The following ADAM8 variants were observed in gnomAD, a reference collection of about 807,000 sequenced individuals.
The protein encoded by ADAM8 is ADAM metallopeptidase domain 8.
A neutral mutation model predicts 102.4 loss-of-function variants in ADAM8; 104 were observed. The ratio of observed to expected loss-of-function variants is 1.02; its 90% CI spans 0.87 to 1.20. ADAM8 has a LOEUF of 1.20. Among genes scored for constraint, ADAM8 ranks in the 50% most tolerant of loss-of-function variants. ADAM8 has a pLI of 0.00. For synonymous variants in ADAM8, 517 were observed against 485.2 expected, an observed-to-expected ratio of 1.07 and a Z score of -0.86; for missense variants, 1,132 against 1,159.0, an observed-to-expected ratio of 0.98 and a Z score of 0.34.
chr10:133,272,000 A>C (rs1589808906), intron 10 of ADAM8, 46 bp from the exon 11 acceptor site: 1 of 1,593,582 alleles, frequency 6.3e-7, no homozygotes, highest in Non-Finnish European at 8.6e-7. Flanking sequence ...CCAACTCCCC[A>C]CGCCTGCCAC....
At position 133,262,949 on chromosome 10, in the gene ADAM8, A is replaced by C; in HGVS notation, c.*207T>G. 4.3e-6 allele frequency: 3 copies of C among 693,060 alleles called. No individual in the cohort carries two copies. In the South Asian group the frequency reaches 5.0e-5, roughly 12 times the overall value. The allele number at this position is 693,060 out of a possible 1,614,324, so 42.9% of individuals were successfully genotyped here. Reference sequence around the variant, plus strand: ...GGTGCCTGCAGACAGCTGGGGCTACACGTGGCCAAGGCGGGGAGAAGGAAT... The same window carrying C: ...GGTGCCTGCAGACAGCTGGGGCTACCCGTGGCCAAGGCGGGGAGAAGGAAT... On this transcript the variant is annotated 3_prime_UTR_variant, in exon 23 of 23. Transcript: ENST00000445355.
At chr10:133,264,386 T>C (rs1194367623) in intron 21 of ADAM8, among the ~76,000 whole-genome samples, 1 of 152,156 alleles carries the variant, frequency 6.6e-6, no homozygotes, top group Non-Finnish European at 1.5e-5. Flanking sequence ...ATTGCCGGAA[T>C]GTGGGGTTTT....
chr10:133,274,325 G>A, intron 2 of ADAM8, 90 bp from the exon 3 acceptor site: 3 of 1,248,638 alleles, frequency 2.4e-6, no homozygotes, highest in East Asian at 2.6e-5. Flanking sequence ...AGCTGGGGGG[G>A]AAGGGGTGCC....
intron 20 of ADAM8, among the ~76,000 whole-genome samples, 157 bp from the exon 21 acceptor site, chr10:133,267,574 T>C (rs894677559): frequency 1.3e-5 from 2 of 152,118 alleles, no homozygotes; most frequent in Non-Finnish European, 2.9e-5. Flanking sequence ...CCCCGCCCCA[T>C]TCCTCCCCTC....
intron 21 of ADAM8, among the ~76,000 whole-genome samples, chr10:133,265,541 C>T (rs113957525): frequency 6.6e-6 from 1 of 152,052 alleles, no homozygotes; most frequent in Non-Finnish European, 1.5e-5. Flanking sequence ...TCTGTAATCC[C>T]AGCACTTTGG....
intron 21 of ADAM8, 91 bp from the exon 22 acceptor site, chr10:133,263,856 C>T (rs980582647): frequency 2.7e-5 from 30 of 1,132,012 alleles, no homozygotes; most frequent in Non-Finnish European, 3.2e-5. Flanking sequence ...GAACGAAGCT[C>T]CCCACAGACC....
In ADAM8 at chr10:133,271,966, T is replaced by A. The variant is rs1188160191; in HGVS notation, c.958-12A>T. 2 of 1,606,204 alleles carry A rather than the reference T, an allele frequency of 1.2e-6. No homozygotes were observed. Among genetic ancestry groups the A allele is most frequent in the Non-Finnish European group, 1.7e-6 (2 of 1,174,808 alleles). The stretch of plus-strand genomic sequence containing the variant: ...TTCTTGCTGTGGTCCTGCAGGAGGG[T>A]CTGTGCTCTCAGGAACCATGTGGCC... On this transcript the variant is annotated splice_polypyrimidine_tract_variant and intron_variant, in intron 10 of 22. Coordinates refer to ENST00000445355, the MANE Select transcript of ADAM8 (RefSeq NM_001109.5).
At position 133,273,354 on chromosome 10, in the gene ADAM8, T is replaced by A. The variant is rs190341309; in HGVS notation, c.473A>T (p.Glu158Val). The change falls in exon 6 of 23, where the codon GAG becomes GTG. Residue 158 changes from glutamate to valine, a missense_variant. Physicochemically the swap from Glu to Val is moderately radical, Grantham distance 121. Coordinates refer to ENST00000445355, the MANE Select transcript of ADAM8 (RefSeq NM_001109.5). ...GGTCCCGGCCGTCTGCAGCAGGTGCTCAGCCTGGTACACGGCGTGCCGTCC... is the reference window on the plus strand; with the variant it reads ...GGTCCCGGCCGTCTGCAGCAGGTGCACAGCCTGGTACACGGCGTGCCGTCC... Reference protein sequence around the residue: ...EGGRHAVYQAEHLLQTAGTCG... With the variant: ...EGGRHAVYQAVHLLQTAGTCG... The A allele has an allele frequency of 6.4e-7, 1 of 1,565,076 alleles. No homozygotes were observed. Among genetic ancestry groups the A allele is most frequent in the Non-Finnish European group, 8.7e-7 (1 of 1,155,754 alleles).
chr10:133,269,094 C>T (rs1846430309), intron 18 of ADAM8: 2 of 985,336 alleles, frequency 2.0e-6, no homozygotes, highest in South Asian at 4.7e-5. Context: ...CCTTTGAGGC[C>T]TGATGCTCTG....
At chr10:133,274,256 C>T in intron 2 of ADAM8, 21 bp from the exon 3 acceptor site, 1 of 1,520,122 alleles carries the variant, frequency 6.6e-7, no homozygotes, top group East Asian at 2.3e-5. Context: ...AGGGAAGGGT[C>T]CCAGGTGAGC....
chr10:133,272,748 C>CT, intron 8 of ADAM8, 50 bp downstream of exon 8: 2 of 1,564,428 alleles, frequency 1.3e-6, no homozygotes, highest in Non-Finnish European at 1.7e-6. Context: ...ACACCCCCCC[C>CT]ACCTCCCGCC....
rs1033007104 is a variant in ADAM8 at position 133,267,385 on chromosome 10, T to C, written c.2286A>G (p.Pro762=). The change falls in exon 21 of 23, where the codon CCA becomes CCG. Residue 762 remains proline (P), a synonymous_variant. Coordinates refer to ENST00000445355, the MANE Select transcript of ADAM8 (RefSeq NM_001109.5). The stretch of plus-strand genomic sequence containing the variant: ...GTGCCTGCCGGGTGTAGACAGGAAC[T>C]GGGAAGGGTGGGCTGGACACAGTGA... ...PPVTVSSPPF[P]VPVYTRQAPK... is the part of the protein sequence containing the mutation. 1.2e-6 allele frequency: 2 copies of C among 1,610,448 alleles called. No homozygotes were observed. The highest frequency in any genetic ancestry group is 1.7e-5 in the Admixed American group (1 of 59,566).
chr10:133,264,632 A>G (rs1275349180), intron 21 of ADAM8, among the ~76,000 whole-genome samples: 1 of 152,168 alleles, frequency 6.6e-6, no homozygotes, highest in Non-Finnish European at 1.5e-5. Flanking sequence ...CCTCCTGCAC[A>G]GTTCTGCTGC....
At position 133,276,658 on chromosome 10, in the gene ADAM8, C is replaced by T. The variant is rs1846765725; in HGVS notation, c.46+114G>A. The T allele has an allele frequency of 7.1e-6, 10 of 1,410,612 alleles. No individual in the cohort carries two copies. The South Asian group carries it at 8.6e-5, about 12-fold the overall frequency. 87.4% of individuals were successfully genotyped at this position (1,410,612 alleles called of 1,614,324 possible). A position where few individuals can be genotyped will look rare whatever the true frequency, so the allele number is the denominator to read the frequency against. On this transcript the variant is annotated intron_variant, in intron 1 of 22. Transcript: ENST00000445355. ...CCGCTCCCAGGGACCAGCCCGAAGC[C>T]GGGCCAGGGTGCGGGGTGCGAGCAG...
In ADAM8 at chr10:133,268,066, C is replaced by A. The variant is rs778948745; in HGVS notation, c.2116G>T (p.Ala706Ser). ...CCCTTGGCCGGCACGCGGCTGGCAG[C>A]CTGGTGGAACAGGGGGTTGGAGCGC... is the stretch of plus-strand genomic sequence containing the variant. Reference protein sequence around the residue: ...MGRSNPLFHQAASRVPAKGGA... With the variant: ...MGRSNPLFHQSASRVPAKGGA... The change falls in exon 20 of 23, where the codon GCT (alanine) becomes TCT (serine). Residue 706 changes from alanine to serine, a missense_variant. Transcript: ENST00000445355. 18 of 1,271,502 alleles carry A rather than the reference C, an allele frequency of 1.4e-5. No individual in the cohort carries two copies. The highest frequency in any genetic ancestry group is 1.7e-5 in the Non-Finnish European group (17 of 1,001,590). The allele number at this position is 1,271,502 out of a possible 1,614,324, so 78.8% of individuals were successfully genotyped here.
In ADAM8 at chr10:133,272,837, C is replaced by T; in HGVS notation, c.666G>A (p.Val222=). The part of the protein sequence containing the change: ...EFQMLGSEAA[V]RHRVLEVVNH... ...TCACCACCTCCAGCACCCGATGACG[C>T]ACGGCTGCTTCGCTCCCCAGCATCT... Residue 222 remains valine (V), a synonymous_variant, in exon 8 of 23, where the codon GTG becomes GTA. Coordinates refer to ENST00000445355, the MANE Select transcript of ADAM8 (RefSeq NM_001109.5). 3 of 1,611,606 alleles carry T rather than the reference C, an allele frequency of 1.9e-6. No individual in the cohort carries two copies. The South Asian group carries it at 3.3e-5, about 18-fold the overall frequency.
Position 133,275,587 on chromosome 10 carries a change from G to A in ADAM8, c.47C>T (p.Ala16Val), listed in dbSNP as rs531817858. The A allele has an allele frequency of 2.0e-5, 30 of 1,472,160 alleles. No homozygotes were observed. Among genetic ancestry groups the A allele is most frequent in the Middle Eastern group, 1.7e-4 (1 of 5,722 alleles). The allele number at this position is 1,472,160 out of a possible 1,614,324, so 91.2% of individuals were successfully genotyped here. A position where few individuals can be genotyped will look rare whatever the true frequency, so the allele number is the denominator to read the frequency against. ...LWLLGAMMLP[A>V]IAPSRPWALM... is the part of the protein sequence containing the mutation. ...GGCCCAGGGCCGGCTGGGGGCAATC[G>A]CTGCAGGAGGGAGGGTCAGCAGGCA... Residue 16 changes from alanine to valine, a missense_variant and splice_region_variant, in exon 2 of 23, where the codon GCG (alanine) becomes GTG (valine). Transcript: ENST00000445355.
chr10:133,268,991 T>C, intron 18 of ADAM8, 129 bp from the exon 19 acceptor site: 1 of 1,466,636 alleles, frequency 6.8e-7, no homozygotes, highest in Non-Finnish European at 9.0e-7. Flanking sequence ...AGGGAGGACC[T>C]GGTACCTTAC....
At position 133,262,944 on chromosome 10, in the gene ADAM8, G is replaced by T. The variant is rs1846205543; in HGVS notation, c.*212C>A. ...AGCCTGGTGCCTGCAGACAGCTGGG[G>T]CTACACGTGGCCAAGGCGGGGAGAA... On this transcript the variant is annotated 3_prime_UTR_variant, in exon 23 of 23. Coordinates refer to ENST00000445355, the MANE Select transcript of ADAM8 (RefSeq NM_001109.5). The T allele has an allele frequency of 2.9e-6, 2 of 684,842 alleles. No homozygotes were observed. Among genetic ancestry groups the T allele is most frequent in the South Asian group, 3.4e-5 (2 of 59,584 alleles). The allele number at this position is 684,842 out of a possible 1,614,324, so 42.4% of individuals were successfully genotyped here. A position where few individuals can be genotyped will look rare whatever the true frequency, so the allele number is the denominator to read the frequency against.
Sources: gnomAD v4.1 joint callset for allele counts (sites outside exome capture counted in the v4.1 genomes callset) on GRCh38, gnomAD v4.1.1 for gene constraint, MANE v1.5 for transcripts, NCBI Gene and HGNC (gene_info 2026-07-23, HGNC 2026-07-21) for gene names.